Variants in C7 observed in about 807,000 individuals in gnomAD.
C7 encodes complement C7.
A neutral mutation model predicts 104.8 loss-of-function variants in C7; 83 were observed. That is an observed-to-expected ratio of 0.79 (90% CI 0.66 to 0.95). C7 has a LOEUF of 0.95. Among genes scored for constraint, C7 ranks in the 40% least tolerant of loss-of-function variants. The pLI, the probability that C7 is intolerant of heterozygous loss-of-function variation, is 0.00. For synonymous variants in C7, 415 were observed against 360.6 expected (o/e 1.15, Z -1.71); for missense variants, 1,070 against 1,011.2 (o/e 1.06, Z -0.79).
intron 16 of C7, among the ~76,000 whole-genome samples, chr5:40,977,386 C>T (rs1054286962): frequency 6.6e-6 from 1 of 152,096 alleles, no homozygotes; most frequent in Non-Finnish European, 1.5e-5. Context: ...ACAAGAAAAG[C>T]TTTATTAGCA....
chr5:40,978,082 C>T (rs1740856130), intron 16 of C7, among the ~76,000 whole-genome samples: 1 of 150,098 alleles, frequency 6.7e-6, no homozygotes. Flanking sequence ...CTTCAGTGAG[C>T]CACATTCATG....
intron 7 of C7, among the ~76,000 whole-genome samples, chr5:40,947,145 G>A (rs996283092): frequency 1.3e-5 from 2 of 148,656 alleles, no homozygotes; most frequent in African/African-American, 2.5e-5. Context: ...TGTTACCCAG[G>A]CTGGAGTGCA....
chr5:40,913,632 C>A (rs1233796788), intron 1 of C7, among the ~76,000 whole-genome samples: 1 of 152,030 alleles, frequency 6.6e-6, no homozygotes, highest in East Asian at 1.9e-4. Flanking sequence ...GTAGCTGGCA[C>A]TATCTGGGCA....
At chr5:40,972,965 G>A (rs995107323) in intron 15 of C7, among the ~76,000 whole-genome samples, 4 of 152,018 alleles carry the variant, frequency 2.6e-5, no homozygotes, top group African/African-American at 9.7e-5. Flanking sequence ...ACAGAGTTGA[G>A]ATCATAATTT....
At chr5:40,973,889 G>A (rs1031191882) in intron 15 of C7, among the ~76,000 whole-genome samples, 1 of 152,072 alleles carries the variant, frequency 6.6e-6, no homozygotes, top group Non-Finnish European at 1.5e-5. Flanking sequence ...TATTAAAGTG[G>A]GTTTTAATTA....
intron 10 of C7, among the ~76,000 whole-genome samples, chr5:40,957,028 A>G (rs2111659577): frequency 6.6e-6 from 1 of 152,338 alleles, no homozygotes; most frequent in South Asian, 2.1e-4. Flanking sequence ...ACAGAGAAAG[A>G]AAAGGCACTA....
intron 1 of C7, among the ~76,000 whole-genome samples, chr5:40,921,544 T>C (rs1373158661): frequency 6.6e-6 from 1 of 151,912 alleles, no homozygotes. Context: ...TACCTGCTTT[T>C]AAATTATACT....
At chr5:40,963,786 A>G (rs977977609) in intron 13 of C7, among the ~76,000 whole-genome samples, 3 of 152,114 alleles carry the variant, frequency 2.0e-5, no homozygotes, top group Non-Finnish European at 2.9e-5. Context: ...GCTTCCTGCC[A>G]TTATAGGTTA....
At chr5:40,915,494 T>C (rs553368654) in intron 1 of C7, among the ~76,000 whole-genome samples, 1 of 152,276 alleles carries the variant, frequency 6.6e-6, no homozygotes, top group East Asian at 1.9e-4. Context: ...TAAAAATGAC[T>C]AGTAAAGCTG....
Position 40,937,702 on chromosome 5 carries a change from G to A in C7, c.567+12G>A, listed in dbSNP as rs762332497. 72 of 1,545,802 alleles carry A rather than the reference G, an allele frequency of 4.7e-5. No homozygotes were observed. The South Asian group carries it at 6.1e-4, about 13-fold the overall frequency. ...CCTATACATTCCAGGTACTTACGAC[G>A]TTATTGATTTCCAATCTGGAATTGT... On this transcript the variant is annotated intron_variant, in intron 6 of 17. Transcript: ENST00000313164.
intron 6 of C7, among the ~76,000 whole-genome samples, chr5:40,942,128 C>T (rs2111613928): frequency 6.6e-6 from 1 of 152,224 alleles, no homozygotes; most frequent in South Asian, 2.1e-4. Context: ...GAAGTCAGAC[C>T]ATTGTAAGCG....
At chr5:40,945,083 T>C (rs985772339) in intron 6 of C7, 115 bp from the exon 7 acceptor site, 1 of 611,756 alleles carries the variant, frequency 1.6e-6, no homozygotes, top group Non-Finnish European at 2.9e-6. Flanking sequence ...AGAGTCACAG[T>C]TGCTTTGTGC....
At chr5:40,970,216 T>C (rs1331536456) in intron 14 of C7, among the ~76,000 whole-genome samples, 1 of 152,180 alleles carries the variant, frequency 6.6e-6, no homozygotes, top group Non-Finnish European at 1.5e-5. Context: ...ATCCATCAAA[T>C]GCTGTTTTTG....
Position 40,983,917 on chromosome 5 carries a change from C to A in C7, c.*2344C>A, listed in dbSNP as rs1023057224. Among the ~76,000 whole-genome samples, 1 of 152,036 alleles carries A rather than the reference C, an allele frequency of 6.6e-6. No individual in the cohort carries two copies. The highest frequency in any genetic ancestry group is 6.6e-5 in the Admixed American group (1 of 15,254). On this transcript the variant is annotated 3_prime_UTR_variant, in exon 18 of 18. Transcript: ENST00000313164. ...AGGAGGCAGAGGGCAGAAAGCATTG[C>A]TGAGATTAGAGTCATTTGGCCCTCA...
rs937677530 is a variant in C7 at position 40,937,542 on chromosome 5, C to T, written c.429-10C>T. ...TTATTTCCTCCTTCTCCTCCTCCTC[C>T]TTTTAACAGTTACAATGAACTCACT... On this transcript the variant is annotated splice_polypyrimidine_tract_variant and intron_variant, in intron 5 of 17. Coordinates refer to ENST00000313164, the MANE Select transcript of C7 (RefSeq NM_000587.4). The T allele has an allele frequency of 3.8e-6, 6 of 1,590,744 alleles. No homozygotes were observed. In the Admixed American group the frequency reaches 5.4e-5, roughly 14 times the overall value.
intron 16 of C7, among the ~76,000 whole-genome samples, chr5:40,977,805 C>T (rs1159461779): frequency 6.6e-6 from 1 of 152,130 alleles, no homozygotes; most frequent in Non-Finnish European, 1.5e-5. Context: ...AAGAAATATC[C>T]AGCCCCTAGA....
intron 9 of C7, 86 bp from the exon 10 acceptor site, chr5:40,955,301 G>T: frequency 1.6e-6 from 2 of 1,251,368 alleles, no homozygotes; most frequent in Non-Finnish European, 2.3e-6. Flanking sequence ...TCCATAGTTT[G>T]GCTTTTTCCA....
At chr5:40,967,565 T>A (rs13358606) in intron 14 of C7, 128,349 of 165,820 alleles carry the variant, frequency 0.77, 49,750 homozygotes, top group South Asian at 0.92. Context: ...TCTACACAGG[T>A]CTAAGCAATC....
chr5:40,965,984 T>G (rs909437857), intron 14 of C7, among the ~76,000 whole-genome samples: 3 of 152,080 alleles, frequency 2.0e-5, no homozygotes, highest in Non-Finnish European at 2.9e-5. Context: ...GTTAAGCTTG[T>G]TTTCATATGT....
Sources: allele counts gnomAD v4.1 joint callset (sites outside exome capture counted in the v4.1 genomes callset), GRCh38; gene constraint gnomAD v4.1.1; transcripts MANE v1.5; gene names NCBI Gene and HGNC (gene_info 2026-07-23, HGNC 2026-07-21).